The following ST8SIA4 variants were observed in gnomAD, a reference collection of about 807,000 sequenced individuals.
ST8SIA4 encodes CMP-N-acetylneuraminate-poly-alpha-2,8-sialyltransferase.
ST8SIA4 carries 15 observed loss-of-function variants against 33.9 expected under a neutral mutation model. The observed-to-expected ratio is 0.44, with a 90% CI of 0.30 to 0.68. The LOEUF is 0.68. Ranked by LOEUF, ST8SIA4 falls within the 30% of genes least tolerant of loss-of-function variation. ST8SIA4 has a pLI of 0.10. For synonymous variants in ST8SIA4, 171 were observed against 151.2 expected (o/e 1.13, Z -0.96); for missense variants, 321 against 428.0 (o/e 0.75, Z 2.21).
rs574653357 is a variant in ST8SIA4, at chr5:100,880,069, T to G, written c.503+6274A>C. Among the ~76,000 whole-genome samples the G allele has an allele frequency of 2.0e-5, 3 of 152,090 alleles. No individual in the cohort carries two copies. In the South Asian group the frequency reaches 6.2e-4, roughly 32 times the overall value. ...GGAAGACCATGATAGAACACTTTTC[T>G]CCCTCCTCTCCCTCCCTCTCTCCTT... is the stretch of plus-strand genomic sequence containing the variant. On this transcript the variant is annotated intron_variant, in intron 3 of 4. Transcript: ENST00000231461.
chr5:100,846,701 T>C (rs1237297393), intron 4 of ST8SIA4, among the ~76,000 whole-genome samples: 1 of 151,988 alleles, frequency 6.6e-6, no homozygotes, highest in Non-Finnish European at 1.5e-5. Context: ...AATTTGCCAA[T>C]GTTACAGGGG....
chr5:100,874,270 C>A (rs1752258579), intron 3 of ST8SIA4, among the ~76,000 whole-genome samples: 1 of 152,086 alleles, frequency 6.6e-6, no homozygotes, highest in African/African-American at 2.4e-5. Flanking sequence ...TTTGTAGGAG[C>A]AATTCTATCA....
At chr5:100,817,402 TA>T (rs1750953482) in intron 4 of ST8SIA4, among the ~76,000 whole-genome samples, 1 of 152,122 alleles carries the variant, frequency 6.6e-6, no homozygotes, top group Non-Finnish European at 1.5e-5. Context: ...TATGGAGCAA[TA>T]AATAAATGTA....
intron 3 of ST8SIA4, among the ~76,000 whole-genome samples, chr5:100,880,224 G>C (rs546007373): frequency 6.6e-6 from 1 of 152,158 alleles, no homozygotes; most frequent in East Asian, 1.9e-4. Context: ...ATTAAAAAAG[G>C]GATAAATGCA....
At chr5:100,877,930 T>C (rs1752341306) in intron 3 of ST8SIA4, among the ~76,000 whole-genome samples, 1 of 152,204 alleles carries the variant, frequency 6.6e-6, no homozygotes, top group Non-Finnish European at 1.5e-5. Flanking sequence ...CCGTCTTTAC[T>C]ACCCCTCAAA....
chr5:100,844,968 T>A (rs1751537120), intron 4 of ST8SIA4, among the ~76,000 whole-genome samples: 1 of 152,082 alleles, frequency 6.6e-6, no homozygotes. Flanking sequence ...GTTGGCAGAA[T>A]GTATCAGTAT....
At chr5:100,816,352 C>A in intron 4 of ST8SIA4, 1 of 389,300 alleles carries the variant, frequency 2.6e-6, no homozygotes, top group East Asian at 7.9e-5. Context: ...TTCAAGCAAC[C>A]ACAGTTTTAG....
intron 2 of ST8SIA4, among the ~76,000 whole-genome samples, chr5:100,895,257 G>C (rs574664804): frequency 2.6e-4 from 40 of 152,144 alleles, no homozygotes; most frequent in African/African-American, 8.4e-4. Context: ...CAGCACAATA[G>C]AGTGTAATAG....
chr5:100,880,471 AG>A, intron 3 of ST8SIA4, among the ~76,000 whole-genome samples: 1 of 152,250 alleles, frequency 6.6e-6, no homozygotes, highest in Admixed American at 6.5e-5. Flanking sequence ...TATGTGGGTA[AG>A]AGGGTTTCAG....
intron 3 of ST8SIA4, among the ~76,000 whole-genome samples, chr5:100,866,022 C>A (rs1002623291): frequency 6.6e-6 from 1 of 152,134 alleles, no homozygotes; most frequent in African/African-American, 2.4e-5. Flanking sequence ...CATAAGCTTG[C>A]CCCTTAAGCT....
At chr5:100,861,678 C>A (rs557395638) in intron 3 of ST8SIA4, among the ~76,000 whole-genome samples, 2 of 152,134 alleles carry the variant, frequency 1.3e-5, no homozygotes, top group South Asian at 2.1e-4. Flanking sequence ...AGCTTCATTT[C>A]TATTCTTAGC....
At chr5:100,885,676 T>C in intron 3 of ST8SIA4, 1 of 942,736 alleles carries the variant, frequency 1.1e-6, no homozygotes, top group Non-Finnish European at 1.3e-6. Context: ...ATATTTATGA[T>C]GTGATTATAA....
chr5:100,889,684 A>T lies in ST8SIA4; in HGVS notation c.246-3084T>A, dbSNP rs564558908. On this transcript the variant is annotated intron_variant, in intron 2 of 4. Transcript: ENST00000231461. ...TTATTTTATTTACTCTTAGGGAAAA[A>T]TGATTTAAAAAGGGAACTATAAGAG... is the stretch of plus-strand genomic sequence containing the variant. Among the ~76,000 whole-genome samples, 18 of 152,082 alleles carry T rather than the reference A, an allele frequency of 1.2e-4. No homozygotes were observed. The South Asian group carries it at 3.7e-3, about 31-fold the overall frequency.
chr5:100,823,670 AC>A (rs1347327063), intron 4 of ST8SIA4, among the ~76,000 whole-genome samples: 9 of 152,366 alleles, frequency 5.9e-5, no homozygotes, highest in Admixed American at 2.0e-4. Flanking sequence ...AAATGAAGAA[AC>A]AAAAAACTCC....
chr5:100,894,676 A>G (rs779765085), intron 2 of ST8SIA4, among the ~76,000 whole-genome samples: 15 of 152,076 alleles, frequency 9.9e-5, no homozygotes, highest in Non-Finnish European at 2.1e-4. Flanking sequence ...TGCATACTCT[A>G]AAGATGAGTG....
At chr5:100,895,564 C>T in intron 2 of ST8SIA4, 90 bp downstream of exon 2, 1 of 1,266,434 alleles carries the variant, frequency 7.9e-7, no homozygotes. Context: ...ATACTTAAAC[C>T]ATAAATCCAG....
intron 3 of ST8SIA4, 182 bp downstream of exon 3, chr5:100,886,161 C>T (rs1198417414): frequency 1.7e-5 from 23 of 1,386,948 alleles, no homozygotes; most frequent in Admixed American, 6.3e-5. Flanking sequence ...CTTTCAACTA[C>T]GCAATAATTA....
Position 100,888,201 on chromosome 5 carries a change from A to G in ST8SIA4, c.246-1601T>C, listed in dbSNP as rs1157722582. Among the ~76,000 whole-genome samples, 4 of 140,960 alleles carry G rather than the reference A, an allele frequency of 2.8e-5. 1 individual carries two copies. The South Asian group carries it at 8.8e-4, about 31-fold the overall frequency. 92.5% of individuals were successfully genotyped at this position (140,960 alleles called of 152,430 possible). ...TCCGGGACCCTAGTAGATTTTAAGG[A>G]AAAAAAAAAAAACATATATATATAT... On this transcript the variant is annotated intron_variant, in intron 2 of 4. Coordinates refer to ENST00000231461, the MANE Select transcript of ST8SIA4 (RefSeq NM_005668.6).
At chr5:100,902,139 G>A (rs545560322) in intron 1 of ST8SIA4, among the ~76,000 whole-genome samples, 2 of 152,264 alleles carry the variant, frequency 1.3e-5, no homozygotes, top group South Asian at 4.1e-4. Context: ...AAGGAAGTGT[G>A]ATATTTAGAG....
Sources: gnomAD v4.1 joint callset for allele counts (sites outside exome capture counted in the v4.1 genomes callset) on GRCh38, gnomAD v4.1.1 for gene constraint, MANE v1.5 for transcripts, NCBI Gene and HGNC (gene_info 2026-07-23, HGNC 2026-07-21) for gene names.